Variants in ATRNL1 observed in about 807,000 individuals in gnomAD.
ATRNL1 encodes attractin like 1, also known as attractin-like protein 1.
A neutral mutation model predicts 182.7 loss-of-function variants in ATRNL1; 95 were observed. The observed-to-expected ratio is 0.52, with a 90% CI of 0.44 to 0.62. ATRNL1 has a LOEUF of 0.62. Ranked by LOEUF, ATRNL1 falls within the 20% of genes least tolerant of loss-of-function variation. ATRNL1 has a pLI of 0.00. For missense variants in ATRNL1, 1,471 were observed against 1,679.5 expected, an observed-to-expected ratio of 0.88 and a Z score of 2.17; for synonymous variants, 576 against 568.3, an observed-to-expected ratio of 1.01 and a Z score of -0.19.
At chr10:115,696,725 C>T (rs1300226336) in intron 26 of ATRNL1, among the ~76,000 whole-genome samples, 2 of 152,050 alleles carry the variant, frequency 1.3e-5, no homozygotes, top group Admixed American at 6.5e-5. Flanking sequence ...TTTCACACTG[C>T]TATAAAGAAC....
chr10:115,352,300 T>G (rs1485613646), intron 19 of ATRNL1, among the ~76,000 whole-genome samples: 1 of 152,024 alleles, frequency 6.6e-6, no homozygotes, highest in Non-Finnish European at 1.5e-5. Context: ...GTCTATAACT[T>G]ATTCATTTGT....
At chr10:115,448,497 C>A (rs1396943317) in intron 21 of ATRNL1, among the ~76,000 whole-genome samples, 1 of 151,958 alleles carries the variant, frequency 6.6e-6, no homozygotes, top group Non-Finnish European at 1.5e-5. Context: ...TAAAACATAC[C>A]AGAATCTCTG....
At chr10:115,279,859 G>A (rs1852277849) in intron 13 of ATRNL1, among the ~76,000 whole-genome samples, 1 of 152,240 alleles carries the variant, frequency 6.6e-6, no homozygotes, top group South Asian at 2.1e-4. Context: ...ATTGAGACAT[G>A]GAGTTGCTCA....
At chr10:115,268,538 A>G (rs1198145170) in intron 13 of ATRNL1, 94 bp downstream of exon 13, 4 of 840,730 alleles carry the variant, frequency 4.8e-6, no homozygotes, top group Non-Finnish European at 8.1e-6. Context: ...GAAAAAAAGC[A>G]CTTTACACAT....
chr10:115,603,529 C>T (rs570131617), intron 26 of ATRNL1, among the ~76,000 whole-genome samples: 1 of 152,254 alleles, frequency 6.6e-6, no homozygotes, highest in South Asian at 2.1e-4. Flanking sequence ...ATTATTATAT[C>T]ACAACAGTCT....
In ATRNL1 at chr10:115,937,902, C is replaced by G. The variant is rs578048678; in HGVS notation, c.4019-6756C>G. Among the ~76,000 whole-genome samples the G allele has an allele frequency of 9.2e-5, 14 of 152,328 alleles. 1 individual carries two copies. In the South Asian group the frequency reaches 2.9e-3, roughly 32 times the overall value. On this transcript the variant is annotated intron_variant, in intron 28 of 28. Transcript: ENST00000355044. ...ACTCATTCAGTCGTCCTGAAGCAGA[C>G]TGTGCAATTCACTACAGACCTGGCA... is the stretch of plus-strand genomic sequence containing the variant.
chr10:115,530,646 A>T (rs1851513939), intron 25 of ATRNL1, among the ~76,000 whole-genome samples: 1 of 152,040 alleles, frequency 6.6e-6, no homozygotes, highest in South Asian at 2.1e-4. Context: ...TTATTATTAT[A>T]CTTTAAGTTT....
intron 9 of ATRNL1, among the ~76,000 whole-genome samples, chr10:115,223,845 A>G (rs1592282549): frequency 6.9e-6 from 1 of 145,450 alleles, no homozygotes; most frequent in South Asian, 2.2e-4. Context: ...CCTAATATAT[A>G]TGTGTATATA....
intron 26 of ATRNL1, among the ~76,000 whole-genome samples, chr10:115,697,715 T>C (rs1461463515): frequency 1.3e-5 from 2 of 152,186 alleles, no homozygotes; most frequent in African/African-American, 2.4e-5. Context: ...ATGACATGTA[T>C]GATATGCTAT....
intron 8 of ATRNL1, among the ~76,000 whole-genome samples, chr10:115,196,796 G>T (rs1848380034): frequency 6.6e-6 from 1 of 152,000 alleles, no homozygotes; most frequent in African/African-American, 2.4e-5. Flanking sequence ...AATATCTGTA[G>T]CCCATTGGTC....
At chr10:115,534,381 T>A (rs530980248) in intron 25 of ATRNL1, among the ~76,000 whole-genome samples, 6 of 152,318 alleles carry the variant, frequency 3.9e-5, no homozygotes, top group Admixed American at 2.6e-4. Flanking sequence ...TCTCTTCTGA[T>A]CTTTGTTGGT....
At chr10:115,917,474 AAAAAAAAAAAAG>A (rs1296510566) in intron 28 of ATRNL1, among the ~76,000 whole-genome samples, 6 of 12,340 alleles carry the variant, frequency 4.9e-4, no homozygotes. Context: ...TGTCTCAAAA[AAAAAAAAAAAAG>A]AAAAAAAAAA....
intron 26 of ATRNL1, among the ~76,000 whole-genome samples, chr10:115,553,598 A>C (rs549927929): frequency 2.6e-5 from 4 of 151,460 alleles, no homozygotes; most frequent in African/African-American, 9.6e-5. Context: ...TTTTGTAATC[A>C]TGAAGAATAA....
intron 26 of ATRNL1, among the ~76,000 whole-genome samples, chr10:115,565,084 T>G (rs1417644274): frequency 6.6e-6 from 1 of 152,040 alleles, no homozygotes; most frequent in East Asian, 1.9e-4. Flanking sequence ...TTTAGAGAGA[T>G]ATTTTTAAGA....
intron 19 of ATRNL1, among the ~76,000 whole-genome samples, chr10:115,379,855 C>T (rs935377726): frequency 2.3e-4 from 35 of 152,166 alleles, no homozygotes; most frequent in African/African-American, 8.0e-4. Flanking sequence ...GAGACGGAGT[C>T]TTGCTCTGTG....
At chr10:115,550,767 T>C (rs181609990) in intron 26 of ATRNL1, among the ~76,000 whole-genome samples, 155 of 151,890 alleles carry the variant, frequency 1.0e-3, no homozygotes, top group African/African-American at 3.4e-3. Context: ...ACAGTAAAAT[T>C]ATAGATTCAG....
At chr10:115,202,466 C>T (rs1290025950) in intron 8 of ATRNL1, among the ~76,000 whole-genome samples, 1 of 152,036 alleles carries the variant, frequency 6.6e-6, no homozygotes, top group African/African-American at 2.4e-5. Flanking sequence ...TGTCAAAGGC[C>T]TTTTCTGCAT....
At chr10:115,501,858 C>T (rs1161050104) in intron 24 of ATRNL1, among the ~76,000 whole-genome samples, 5 of 152,090 alleles carry the variant, frequency 3.3e-5, no homozygotes, top group African/African-American at 1.2e-4. Flanking sequence ...AACATATCAG[C>T]TCTCCCTGTG....
intron 25 of ATRNL1, among the ~76,000 whole-genome samples, chr10:115,528,716 A>G (rs1851391023): frequency 6.6e-6 from 1 of 152,026 alleles, no homozygotes; most frequent in Non-Finnish European, 1.5e-5. Context: ...TTGTAAAGTT[A>G]AGTTGCGTAT....
Sources: gnomAD v4.1 joint callset for allele counts (sites outside exome capture counted in the v4.1 genomes callset) on GRCh38, gnomAD v4.1.1 for gene constraint, MANE v1.5 for transcripts, NCBI Gene and HGNC (gene_info 2026-07-23, HGNC 2026-07-21) for gene names.